Variants in DLG2 observed in about 807,000 individuals in gnomAD.
The protein encoded by DLG2 is disks large homolog 2.
DLG2 carries 45 observed loss-of-function variants against 132.5 expected under a neutral mutation model. That is an observed-to-expected ratio of 0.34 (90% CI 0.27 to 0.44). The LOEUF (loss-of-function observed/expected upper bound fraction) is 0.44, where lower values mean the gene tolerates loss of function less well. Among genes scored for constraint, DLG2 ranks in the 20% least tolerant of loss-of-function variants. The probability of loss-of-function intolerance (pLI) is 1.00; values close to 1 mark genes in which losing one functional copy is unlikely to be tolerated. For missense variants in DLG2, 1,045 were observed against 1,196.9 expected (o/e 0.87, Z 1.87); for synonymous variants, 424 against 419.6 (o/e 1.01, Z -0.13).
In DLG2 at chr11:84,919,702, G is replaced by C. The variant is rs544248057; in HGVS notation, c.357+191959C>G. Among the ~76,000 whole-genome samples, 4 of 152,240 alleles carry C rather than the reference G, an allele frequency of 2.6e-5. No homozygotes were observed. In the South Asian group the frequency reaches 6.2e-4, roughly 24 times the overall value. On this transcript the variant is annotated intron_variant, in intron 6 of 27. Transcript: ENST00000376104. ...AGCAATGAAAAAAGGGAAATAGTGC[G>C]ATGAGGAAGATAAAGTTATTTAGAA...
At chr11:83,581,179 C>G (rs1056003375) in intron 19 of DLG2, among the ~76,000 whole-genome samples, 6 of 151,996 alleles carry the variant, frequency 3.9e-5, no homozygotes, top group Non-Finnish European at 5.9e-5. Flanking sequence ...TGACACACAA[C>G]TCTAATCCTG....
rs752703421 is a variant in DLG2 at position 83,541,857 on chromosome 11, C to T, written c.1942G>A (p.Ala648Thr). Residue 648 changes from alanine (A) to threonine (T), a missense_variant and splice_region_variant, in exon 20 of 28, where the codon GCC becomes ACC. Around this residue, in one of 4 missense-constraint regions of DLG2, gnomAD observed 398 missense variants for 543.6 expected, o/e 0.73. Transcript: ENST00000376104. ...TTGCTCTTGTCGTAGTCGAACATGG[C>T]TCTGGAGGAAAGGACAAAAGAGGAC... ...TNQKRSLYVR[A>T]MFDYDKSKDS... The T allele has an allele frequency of 1.9e-5, 31 of 1,600,660 alleles. No individual in the cohort carries two copies. Among genetic ancestry groups the T allele is most frequent in the Non-Finnish European group, 2.6e-5 (31 of 1,173,046 alleles).
At chr11:85,347,797 CTTTTTTTTTTTT>C (rs1168590401) in intron 3 of DLG2, among the ~76,000 whole-genome samples, 3 of 94,964 alleles carry the variant, frequency 3.2e-5, no homozygotes, top group Non-Finnish European at 4.2e-5. Context: ...AAGAGGCACT[CTTTTTTTTTTTT>C]TTTTTTTTTT....
intron 9 of DLG2, among the ~76,000 whole-genome samples, chr11:84,133,722 C>T (rs934025387): frequency 1.3e-5 from 2 of 151,944 alleles, no homozygotes; most frequent in Non-Finnish European, 2.9e-5. Context: ...CTCAAGCAAC[C>T]CTCTCACCTC....
At chr11:85,417,687 C>G (rs1453281749) in intron 3 of DLG2, among the ~76,000 whole-genome samples, 1 of 152,078 alleles carries the variant, frequency 6.6e-6, no homozygotes, top group African/African-American at 2.4e-5. Flanking sequence ...GTGTATGTGT[C>G]CAGGAATTTA....
At chr11:85,409,064 T>C (rs2089065702) in intron 3 of DLG2, among the ~76,000 whole-genome samples, 1 of 151,970 alleles carries the variant, frequency 6.6e-6, no homozygotes, top group Non-Finnish European at 1.5e-5. Flanking sequence ...AGAAATCGAA[T>C]GGATTGCTCC....
chr11:85,461,432 G>C (rs879455065), intron 3 of DLG2, among the ~76,000 whole-genome samples: 1 of 152,042 alleles, frequency 6.6e-6, no homozygotes, highest in Non-Finnish European at 1.5e-5. Context: ...ACTGACATTT[G>C]GGCAAAAAAC....
chr11:84,716,689 A>G (rs1448264411), intron 6 of DLG2, among the ~76,000 whole-genome samples: 1 of 148,942 alleles, frequency 6.7e-6, no homozygotes, highest in African/African-American at 2.5e-5. Flanking sequence ...AGGTGTGATG[A>G]TGGCATATGG....
intron 6 of DLG2, among the ~76,000 whole-genome samples, chr11:84,885,307 C>A (rs779047194): frequency 6.6e-6 from 1 of 151,310 alleles, no homozygotes; most frequent in Middle Eastern, 3.4e-3. Flanking sequence ...CTGGCATGCA[C>A]AAAGGTATGC....
chr11:85,096,748 C>T (rs1438090576), intron 6 of DLG2, among the ~76,000 whole-genome samples: 1 of 152,168 alleles, frequency 6.6e-6, no homozygotes, highest in Non-Finnish European at 1.5e-5. Flanking sequence ...CCATCAGACC[C>T]TTTTCGCTTG....
At chr11:83,666,976 C>T (rs955397014) in intron 18 of DLG2, among the ~76,000 whole-genome samples, 1 of 152,214 alleles carries the variant, frequency 6.6e-6, no homozygotes, top group Non-Finnish European at 1.5e-5. Context: ...TGATCTTCTT[C>T]CAAACCCAGG....
chr11:85,459,583 C>T (rs1490319673), intron 3 of DLG2, among the ~76,000 whole-genome samples: 1 of 152,022 alleles, frequency 6.6e-6, no homozygotes, highest in Non-Finnish European at 1.5e-5. Flanking sequence ...AAGCCGGGGC[C>T]CTGCCTGGTA....
At chr11:84,834,352 T>C (rs930071447) in intron 6 of DLG2, among the ~76,000 whole-genome samples, 1 of 151,572 alleles carries the variant, frequency 6.6e-6, no homozygotes, top group African/African-American at 2.4e-5. Context: ...GAGGTAAACT[T>C]TTATTTTTGG....
chr11:84,291,111 T>C (rs1345164101), intron 7 of DLG2, among the ~76,000 whole-genome samples: 1 of 152,174 alleles, frequency 6.6e-6, no homozygotes, highest in Non-Finnish European at 1.5e-5. Context: ...CAGTAAATTA[T>C]CTAGGAATCT....
intron 7 of DLG2, among the ~76,000 whole-genome samples, chr11:84,430,720 T>C (rs1017145767): frequency 2.0e-5 from 3 of 152,190 alleles, no homozygotes; most frequent in African/African-American, 7.2e-5. Context: ...TTGTGCTTTT[T>C]GCTCTGCCAG....
intron 17 of DLG2, among the ~76,000 whole-genome samples, chr11:83,806,619 C>T (rs751792487): frequency 5.3e-5 from 8 of 152,162 alleles, no homozygotes; most frequent in Admixed American, 1.3e-4. Flanking sequence ...GTAAGCCCCA[C>T]GAGGGCAGTC....
intron 9 of DLG2, among the ~76,000 whole-genome samples, chr11:84,144,586 C>T (rs751836890): frequency 8.6e-5 from 13 of 151,936 alleles, no homozygotes; most frequent in Non-Finnish European, 1.9e-4. Flanking sequence ...ATTATCTGAA[C>T]CAAAATCTAG....
intron 15 of DLG2, among the ~76,000 whole-genome samples, chr11:83,904,938 T>C (rs180941677): frequency 6.6e-6 from 1 of 152,274 alleles, no homozygotes; most frequent in African/African-American, 2.4e-5. Context: ...CTTCTGTCCG[T>C]ATCCAGTACA....
At chr11:84,110,588 A>G (rs561635273) in intron 9 of DLG2, among the ~76,000 whole-genome samples, 1 of 152,266 alleles carries the variant, frequency 6.6e-6, no homozygotes, top group East Asian at 1.9e-4. Flanking sequence ...TGCAAGTCCG[A>G]TCCCAAAGAG....
Sources: allele counts gnomAD v4.1 joint callset (sites outside exome capture counted in the v4.1 genomes callset), GRCh38; gene constraint gnomAD v4.1.1; regional missense constraint gnomAD v4.1.1; transcripts MANE v1.5; gene names NCBI Gene and HGNC (gene_info 2026-07-23, HGNC 2026-07-21).